RAPGEF4: variants seen among roughly 807,000 people sequenced by gnomAD.
RAPGEF4 encodes the protein RAP guanine-nucleotide-exchange factor (GEF) 4.
Under a neutral mutation model 147.9 loss-of-function variants are expected in RAPGEF4, and 66 were observed. The ratio of observed to expected loss-of-function variants is 0.45; its 90% CI spans 0.37 to 0.55. The LOEUF (loss-of-function observed/expected upper bound fraction) is 0.55. Ranked by LOEUF, RAPGEF4 falls within the 20% of genes least tolerant of loss-of-function variation. The pLI is 0.00. For missense variants in RAPGEF4, 1,071 were observed against 1,257.3 expected (o/e 0.85, Z 2.24); for synonymous variants, 419 against 442.7 (o/e 0.95, Z 0.67).
At chr2:172,750,121 C>T (rs1695135535) in intron 1 of RAPGEF4, among the ~76,000 whole-genome samples, 1 of 152,088 alleles carries the variant, frequency 6.6e-6, no homozygotes, top group Non-Finnish European at 1.5e-5. Flanking sequence ...CTTCTGAGCC[C>T]TCCAAACTAT....
intron 6 of RAPGEF4, among the ~76,000 whole-genome samples, chr2:172,928,973 C>T (rs1338934385): frequency 6.6e-6 from 1 of 152,182 alleles, no homozygotes; most frequent in Non-Finnish European, 1.5e-5. Flanking sequence ...ATGTACACAG[C>T]TGCTGCTTCC....
At position 172,741,829 on chromosome 2, in the gene RAPGEF4, G is replaced by A. The variant is rs182224975; in HGVS notation, c.65+5781G>A. The stretch of plus-strand genomic sequence containing the variant: ...TGGGACCACAGATGTGTATCTCCAT[G>A]CCTGGCTAATTTTAAAAATTTTTTG... On this transcript the variant is annotated intron_variant, in intron 1 of 30. Transcript: ENST00000397081. 2.0e-5 allele frequency among the ~76,000 whole-genome samples: 3 copies of A among 152,180 alleles called. No homozygotes were observed. In the East Asian group the frequency reaches 5.8e-4, roughly 29 times the overall value.
intron 4 of RAPGEF4, among the ~76,000 whole-genome samples, chr2:172,842,176 T>A (rs1306715995): frequency 6.6e-6 from 1 of 152,090 alleles, no homozygotes; most frequent in Non-Finnish European, 1.5e-5. Flanking sequence ...TTGGTTCAAT[T>A]TGGAGGGCAC....
At chr2:172,804,860 C>G (rs1318100838) in intron 3 of RAPGEF4, among the ~76,000 whole-genome samples, 2 of 152,170 alleles carry the variant, frequency 1.3e-5, no homozygotes, top group Non-Finnish European at 2.9e-5. Flanking sequence ...ACACTTCAGG[C>G]CCTCTCTTAG....
intron 1 of RAPGEF4, among the ~76,000 whole-genome samples, chr2:172,782,357 G>A (rs938856134): frequency 4.6e-5 from 7 of 152,136 alleles, no homozygotes; most frequent in Non-Finnish European, 7.4e-5. Context: ...GTTCTTAGTC[G>A]CTTCCCCTCC....
intron 1 of RAPGEF4, among the ~76,000 whole-genome samples, chr2:172,787,845 G>T (rs1044419862): frequency 6.6e-6 from 1 of 152,036 alleles, no homozygotes; most frequent in Non-Finnish European, 1.5e-5. Context: ...GTCTTGAACT[G>T]CTGGGCTCAA....
intron 6 of RAPGEF4, among the ~76,000 whole-genome samples, chr2:172,948,383 C>G (rs921063574): frequency 6.6e-6 from 1 of 151,998 alleles, no homozygotes; most frequent in African/African-American, 2.4e-5. Context: ...ATGTGCATAC[C>G]ATAACTTCTA....
chr2:172,990,603 A>G (rs771330463), intron 14 of RAPGEF4, among the ~76,000 whole-genome samples: 32 of 152,302 alleles, frequency 2.1e-4, no homozygotes, highest in Non-Finnish European at 4.0e-4. Context: ...TTCTGAAGCT[A>G]GGGTAAAAGC....
At position 172,982,173 on chromosome 2, in the gene RAPGEF4, T is replaced by C. The variant is rs150230862; in HGVS notation, c.1005-1323T>C. ...AGCGCTGTGTTTAGTACACCAATAC[T>C]CCTCAAATTTCTTTGACCAGGGAAC... On this transcript the variant is annotated intron_variant, in intron 10 of 30. Transcript: ENST00000397081. Among the ~76,000 whole-genome samples the C allele has an allele frequency of 4.0e-3, 615 of 152,338 alleles. 6 individuals carry two copies. Among genetic ancestry groups the C allele is most frequent in the African/African-American group, 0.014 (569 of 41,584 alleles).
intron 6 of RAPGEF4, among the ~76,000 whole-genome samples, chr2:172,957,438 G>A (rs1463511812): frequency 6.6e-6 from 1 of 152,242 alleles, no homozygotes; most frequent in East Asian, 1.9e-4. Flanking sequence ...AGGGGTCTCT[G>A]AACAGGCATT....
intron 23 of RAPGEF4, among the ~76,000 whole-genome samples, chr2:173,025,113 C>G (rs1696537037): frequency 6.6e-6 from 1 of 152,226 alleles, no homozygotes; most frequent in Non-Finnish European, 1.5e-5. Context: ...ATCTCTGTAC[C>G]TGGGTGTCAC....
At chr2:172,741,561 T>G (rs1694298621) in intron 1 of RAPGEF4, among the ~76,000 whole-genome samples, 1 of 152,250 alleles carries the variant, frequency 6.6e-6, no homozygotes, top group Admixed American at 6.5e-5. Context: ...TCTAATCTAT[T>G]CTTCCTCCTT....
At chr2:172,744,325 C>G (rs1694578015) in intron 1 of RAPGEF4, 1 of 449,478 alleles carries the variant, frequency 2.2e-6, no homozygotes, top group East Asian at 7.0e-5. Context: ...CCTCTACCCT[C>G]TAGCTATGTG....
At chr2:172,981,670 T>A (rs1303784263) in intron 10 of RAPGEF4, among the ~76,000 whole-genome samples, 1 of 152,208 alleles carries the variant, frequency 6.6e-6, no homozygotes, top group Non-Finnish European at 1.5e-5. Flanking sequence ...GTTATAATAT[T>A]CTTTTGTTCA....
chr2:173,051,894 C>T lies in RAPGEF4; in HGVS notation c.*127C>T. The T allele has an allele frequency of 4.6e-6, 5 of 1,082,920 alleles. No homozygotes were observed. The highest frequency in any genetic ancestry group is 5.3e-6 in the Non-Finnish European group (4 of 752,274). 67.1% of individuals were successfully genotyped at this position (1,082,920 alleles called of 1,614,324 possible). ...AAACAAGCAAAAACACATCCTGAGA[C>T]ACCTCAGGGCTGCATTCAGCTTACC... On this transcript the variant is annotated 3_prime_UTR_variant, in exon 31 of 31. Coordinates refer to ENST00000397081, the MANE Select transcript of RAPGEF4 (RefSeq NM_007023.4).
intron 1 of RAPGEF4, among the ~76,000 whole-genome samples, chr2:172,737,380 A>G (rs1158710700): frequency 6.6e-6 from 1 of 152,226 alleles, no homozygotes; most frequent in East Asian, 1.9e-4. Flanking sequence ...TAGTTCAGGA[A>G]AAAGGAATTA....
intron 4 of RAPGEF4, among the ~76,000 whole-genome samples, chr2:172,890,520 G>T (rs1429631877): frequency 2.0e-5 from 3 of 152,156 alleles, no homozygotes; most frequent in African/African-American, 4.8e-5. Context: ...AGTGAAGGGG[G>T]CTTAGAATCT....
At chr2:172,952,210 G>A (rs1026255466) in intron 6 of RAPGEF4, among the ~76,000 whole-genome samples, 2 of 152,120 alleles carry the variant, frequency 1.3e-5, no homozygotes, top group Admixed American at 1.3e-4. Flanking sequence ...AAAGGGAAAT[G>A]TCATAGTGTT....
intron 4 of RAPGEF4, among the ~76,000 whole-genome samples, chr2:172,873,949 G>A (rs1695550580): frequency 6.6e-6 from 1 of 152,146 alleles, no homozygotes; most frequent in Non-Finnish European, 1.5e-5. Flanking sequence ...ATGAAAAAAA[G>A]CTCATCACCA....
Sources: gnomAD v4.1 joint callset for allele counts (sites outside exome capture counted in the v4.1 genomes callset) on GRCh38, gnomAD v4.1.1 for gene constraint, MANE v1.5 for transcripts, NCBI Gene and HGNC (gene_info 2026-07-23, HGNC 2026-07-21) for gene names.